GOLM1: variants seen among roughly 807,000 people sequenced by gnomAD.
The protein encoded by GOLM1 is epididymis luminal protein 46.
GOLM1 carries 31 observed loss-of-function variants against 50.5 expected under a neutral mutation model. That is an observed-to-expected ratio of 0.61 (90% confidence interval 0.46 to 0.83). The LOEUF (loss-of-function observed/expected upper bound fraction) is 0.83. Ranked by LOEUF, GOLM1 falls within the 40% of genes least tolerant of loss-of-function variation. The pLI, the probability that GOLM1 is intolerant of heterozygous loss-of-function variation, is 0.00. For missense variants in GOLM1, 491 were observed against 501.3 expected (o/e 0.98, Z 0.20); for synonymous variants, 178 against 192.8 (o/e 0.92, Z 0.64).
At chr9:86,042,824 T>A (rs896106728) in intron 5 of GOLM1, among the ~76,000 whole-genome samples, 5 of 152,242 alleles carry the variant, frequency 3.3e-5, no homozygotes, top group Non-Finnish European at 7.3e-5. Flanking sequence ...GCTTTCCATG[T>A]TCCAACTTGA....
At chr9:86,083,190 T>C (rs978748599) in intron 1 of GOLM1, among the ~76,000 whole-genome samples, 2 of 152,192 alleles carry the variant, frequency 1.3e-5, no homozygotes, top group African/African-American at 4.8e-5. Flanking sequence ...TCAAGTCTCT[T>C]ATATAAAATG....
chr9:86,068,414 G>A (rs1387645532), intron 3 of GOLM1, among the ~76,000 whole-genome samples: 1 of 152,168 alleles, frequency 6.6e-6, no homozygotes, highest in Non-Finnish European at 1.5e-5. Flanking sequence ...GCTTCCTCCC[G>A]CTGGTCAGGT....
chr9:86,056,504 ATTTTTT>A (rs375381791), intron 3 of GOLM1, among the ~76,000 whole-genome samples: 1 of 138,806 alleles, frequency 7.2e-6, no homozygotes, highest in Non-Finnish European at 1.6e-5. Flanking sequence ...TTTTATTTAA[ATTTTTT>A]TTTTTTTTTT....
chr9:86,066,700 A>T (rs1166678898), intron 3 of GOLM1, among the ~76,000 whole-genome samples: 1 of 152,238 alleles, frequency 6.6e-6, no homozygotes, highest in Non-Finnish European at 1.5e-5. Context: ...GCTGAAAATG[A>T]AGCTATTTGT....
chr9:86,081,164 A>C (rs1834770083), intron 1 of GOLM1, among the ~76,000 whole-genome samples: 1 of 151,376 alleles, frequency 6.6e-6, no homozygotes, highest in Non-Finnish European at 1.5e-5. Context: ...CTGGGATTAC[A>C]GGTATGAGCC....
chr9:86,078,047 C>T (rs1834671019), intron 2 of GOLM1: 1 of 160,924 alleles, frequency 6.2e-6, no homozygotes, highest in African/African-American at 2.4e-5. Flanking sequence ...GAAGCTGAGA[C>T]ACAGGGAGTA....
intron 8 of GOLM1, chr9:86,035,134 G>T (rs911246944): frequency 2.0e-6 from 2 of 985,220 alleles, no homozygotes; most frequent in Admixed American, 6.2e-5. Flanking sequence ...AGGTCCCCTC[G>T]ACTCCCTGCC....
intron 6 of GOLM1, among the ~76,000 whole-genome samples, chr9:86,040,259 A>G (rs1364649173): frequency 6.6e-6 from 1 of 152,194 alleles, no homozygotes; most frequent in East Asian, 1.9e-4. Context: ...ATCTTAATAA[A>G]GCTGCTATAT....
chr9:86,027,710 T>C lies in GOLM1; in HGVS notation c.*107A>G. On this transcript the variant is annotated 3_prime_UTR_variant, in exon 10 of 10. Coordinates refer to ENST00000388712, the MANE Select transcript of GOLM1 (RefSeq NM_016548.4). Reference sequence around the variant, plus strand: ...AAATTTCACAATAATCATCTTCAGATGTACATTTTATTTAGTACATTTCAC... The same window carrying C: ...AAATTTCACAATAATCATCTTCAGACGTACATTTTATTTAGTACATTTCAC... The C allele has an allele frequency of 2.1e-6, 3 of 1,458,336 alleles. No individual in the cohort carries two copies. Among genetic ancestry groups the C allele is most frequent in the Non-Finnish European group, 2.7e-6 (3 of 1,103,868 alleles). The allele number at this position is 1,458,336 out of a possible 1,614,324, so 90.3% of individuals were successfully genotyped here.
At chr9:86,033,250 G>T in intron 9 of GOLM1, 32 bp downstream of exon 9, 1 of 1,176,716 alleles carries the variant, frequency 8.5e-7, no homozygotes, top group South Asian at 1.2e-5. Flanking sequence ...AATGAAAGGT[G>T]ACCTCGTCAC....
At chr9:86,072,320 G>A (rs1452643637) in intron 3 of GOLM1, among the ~76,000 whole-genome samples, 1 of 152,136 alleles carries the variant, frequency 6.6e-6, no homozygotes, top group East Asian at 1.9e-4. Context: ...TTATTCATCT[G>A]ACCTCTCTGC....
chr9:86,090,322 T>C (rs985311042), intron 1 of GOLM1, among the ~76,000 whole-genome samples: 12 of 152,156 alleles, frequency 7.9e-5, no homozygotes, highest in African/African-American at 2.9e-4. Flanking sequence ...CAGGAACATT[T>C]AAGTCTGCTG....
At position 86,060,876 on chromosome 9, in the gene GOLM1, C is replaced by CAAAAAAAAAAAAAAAAAAA. The variant is rs753183065; in HGVS notation, c.310-8304_310-8286dup. ...CTGGGCAACAAGAGCGAAACTCTCT[C>CAAAAAAAAAAAAAAAAAAA]AAAAAAAAAAAAAAAAAAAAAAAAA... is the stretch of plus-strand genomic sequence containing the variant. On this transcript the variant is annotated intron_variant, in intron 3 of 9. Transcript: ENST00000388712. Among the ~76,000 whole-genome samples, 17 of 19,910 alleles carry CAAAAAAAAAAAAAAAAAAA rather than the reference C, an allele frequency of 8.5e-4. 4 individuals carry two copies. The highest frequency in any genetic ancestry group is 1.7e-3 in the Non-Finnish European group (14 of 8,024). The allele number at this position is 19,910 out of a possible 152,430, so 13.1% of individuals were successfully genotyped here.
At chr9:86,060,842 C>T (rs1308119212) in intron 3 of GOLM1, among the ~76,000 whole-genome samples, 2 of 126,744 alleles carry the variant, frequency 1.6e-5, no homozygotes, top group Non-Finnish European at 3.2e-5. Flanking sequence ...TGTGCCATTG[C>T]ACTCCAGCCT....
intron 9 of GOLM1, among the ~76,000 whole-genome samples, chr9:86,031,869 T>A (rs1197401351): frequency 7.3e-6 from 1 of 137,114 alleles, no homozygotes; most frequent in East Asian, 2.2e-4. Flanking sequence ...CAGGTTGCAG[T>A]CAGCCAAGAT....
chr9:86,044,017 G>A (rs115380237), intron 5 of GOLM1, among the ~76,000 whole-genome samples: 241 of 152,258 alleles, frequency 1.6e-3, no homozygotes, highest in African/African-American at 5.6e-3. Context: ...TTAATTATGA[G>A]CCTAACTCAA....
rs539185339 is a variant in GOLM1, at chr9:86,042,116, C to CA, written c.468-1249dup. Among the ~76,000 whole-genome samples the CA allele has an allele frequency of 1.2e-3, 189 of 151,772 alleles. No homozygotes were observed. In the Middle Eastern group the frequency reaches 0.014, roughly 11 times the overall value. Reference sequence around the variant, plus strand: ...TGGGCGACAGAGCGAGACTCCGTCTCAAAAAAAACAAAACAAAACTTGAAC... The same window carrying CA: ...TGGGCGACAGAGCGAGACTCCGTCTCAAAAAAAAACAAAACAAAACTTGAAC... On this transcript the variant is annotated intron_variant, in intron 5 of 9. Transcript: ENST00000388712.
chr9:86,084,661 T>C (rs1020041889), intron 1 of GOLM1, among the ~76,000 whole-genome samples: 4 of 152,306 alleles, frequency 2.6e-5, no homozygotes, highest in African/African-American at 9.6e-5. Flanking sequence ...ATATAAAAAA[T>C]TATTTGATAG....
rs759107012 is a variant in GOLM1, at chr9:86,071,074, CATGT to C, written c.309+6334_309+6337del. 1.3e-3 allele frequency among the ~76,000 whole-genome samples: 131 copies of C among 100,564 alleles called. 1 individual carries two copies. The highest frequency in any genetic ancestry group is 1.3e-3 in the Non-Finnish European group (63 of 46,960). 66.0% of individuals were successfully genotyped at this position (100,564 alleles called of 152,430 possible). A position where few individuals can be genotyped will look rare whatever the true frequency, so the allele number is the denominator to read the frequency against. On this transcript the variant is annotated intron_variant, in intron 3 of 9. Coordinates refer to ENST00000388712, the MANE Select transcript of GOLM1 (RefSeq NM_016548.4). ...GTACAAACATTTACACACATATATA[CATGT>C]ACACACACACACACACACACACACA...
Sources: allele counts gnomAD v4.1 joint callset (sites outside exome capture counted in the v4.1 genomes callset), GRCh38; gene constraint gnomAD v4.1.1; transcripts MANE v1.5; gene names NCBI Gene and HGNC (gene_info 2026-07-23, HGNC 2026-07-21).